DIP2C: variants seen among roughly 807,000 people sequenced by gnomAD.
The protein encoded by DIP2C is disco-interacting protein 2 homolog C.
DIP2C carries 33 observed loss-of-function variants against 192.4 expected under a neutral mutation model. The observed-to-expected ratio is 0.17, with a 90% CI of 0.13 to 0.23. DIP2C has a LOEUF of 0.23. Among genes scored for constraint, DIP2C ranks in the 10% least tolerant of loss-of-function variants. The pLI is 1.00. For synonymous variants in DIP2C, 979 were observed against 864.1 expected (o/e 1.13, Z -2.33); for missense variants, 1,537 against 2,110.1 (o/e 0.73, Z 5.32).
rs746433901 is a variant in DIP2C, at chr10:532,614, TGA to T, written c.86-46086_86-46085del. ...ATGGGTGTGAGAGAGAGTATGGGTG[TGA>T]GAGAGAGTATGGGTGTGAGAGAGAG... On this transcript the variant is annotated intron_variant, in intron 1 of 36. Coordinates refer to ENST00000280886, the MANE Select transcript of DIP2C (RefSeq NM_014974.3). 5.5e-4 allele frequency among the ~76,000 whole-genome samples: 69 copies of T among 125,672 alleles called. 1 individual carries two copies. Among genetic ancestry groups the T allele is most frequent in the Middle Eastern group, 4.4e-3 (1 of 228 alleles). 82.4% of individuals were successfully genotyped at this position (125,672 alleles called of 152,430 possible). A position where few individuals can be genotyped will look rare whatever the true frequency, so the allele number is the denominator to read the frequency against.
intron 1 of DIP2C, among the ~76,000 whole-genome samples, chr10:592,892 T>C (rs1851484494): frequency 6.6e-6 from 1 of 151,512 alleles, no homozygotes; most frequent in Non-Finnish European, 1.5e-5. Flanking sequence ...TCAAACCAAC[T>C]GGGTATTTGG....
chr10:517,512 G>A (rs181464950), intron 1 of DIP2C, among the ~76,000 whole-genome samples: 66 of 152,290 alleles, frequency 4.3e-4, no homozygotes, highest in South Asian at 8.3e-4. Flanking sequence ...CCACAACGCC[G>A]AAGAGGAGCA....
chr10:607,780 C>T (rs555625868), intron 1 of DIP2C, among the ~76,000 whole-genome samples: 2 of 152,138 alleles, frequency 1.3e-5, no homozygotes, highest in South Asian at 2.1e-4. Flanking sequence ...GAAACCTCTT[C>T]TTAGACAAGA....
At chr10:394,700 G>T (rs1347771771) in intron 10 of DIP2C, among the ~76,000 whole-genome samples, 2 of 145,308 alleles carry the variant, frequency 1.4e-5, no homozygotes, top group East Asian at 4.2e-4. Flanking sequence ...ATGCTGAACC[G>T]GAAGGACGCT....
intron 4 of DIP2C, among the ~76,000 whole-genome samples, chr10:435,571 T>C (rs1967112017): frequency 6.6e-6 from 1 of 152,220 alleles, no homozygotes; most frequent in East Asian, 1.9e-4. Context: ...CTCCAGTGTA[T>C]GGTGATTCTC....
intron 1 of DIP2C, among the ~76,000 whole-genome samples, chr10:577,588 G>A (rs909414108): frequency 2.0e-5 from 3 of 152,300 alleles, no homozygotes; most frequent in East Asian, 3.9e-4. Flanking sequence ...AACGCATGAT[G>A]GGATGAAGGG....
chr10:590,264 T>A (rs939071614), intron 1 of DIP2C, among the ~76,000 whole-genome samples: 1 of 152,188 alleles, frequency 6.6e-6, no homozygotes, highest in Non-Finnish European at 1.5e-5. Flanking sequence ...AATGAGTACA[T>A]GGTGCAAGGC....
rs191575411 is a variant in DIP2C, at chr10:389,899, T to C, written c.1597+92A>G. Reference sequence around the variant, plus strand: ...GGAGCTGGGCACAAACTTCACGCTATTTCTATGGCTCCTCGTGGGAGTGAT... The same window carrying C: ...GGAGCTGGGCACAAACTTCACGCTACTTCTATGGCTCCTCGTGGGAGTGAT... On this transcript the variant is annotated intron_variant, in intron 13 of 36. Transcript: ENST00000280886. 4.8e-5 allele frequency: 49 copies of C among 1,020,492 alleles called. 1 individual carries two copies. The African/African-American group carries it at 6.2e-4, about 13-fold the overall frequency. The allele number at this position is 1,020,492 out of a possible 1,614,324, so 63.2% of individuals were successfully genotyped here.
chr10:341,185 G>C lies in DIP2C; in HGVS notation c.3584+14C>G, dbSNP rs748213536. On this transcript the variant is annotated intron_variant, in intron 29 of 36. Coordinates refer to ENST00000280886, the MANE Select transcript of DIP2C (RefSeq NM_014974.3). ...TGATTTTTTTTAATGTAAAGATATA[G>C]AGAGGCATCTTACCTGCAGAGGCAC... The C allele has an allele frequency of 2.5e-6, 4 of 1,613,940 alleles. No homozygotes were observed. The highest frequency in any genetic ancestry group is 2.7e-5 in the African/African-American group (2 of 74,878).
intron 1 of DIP2C, among the ~76,000 whole-genome samples, chr10:536,527 G>A (rs1433529081): frequency 6.6e-6 from 1 of 152,210 alleles, no homozygotes; most frequent in African/African-American, 2.4e-5. Context: ...GTATCTATCT[G>A]CAAAGACCTG....
intron 2 of DIP2C, among the ~76,000 whole-genome samples, chr10:475,432 C>G (rs1970981603): frequency 6.6e-6 from 1 of 152,178 alleles, no homozygotes; most frequent in Non-Finnish European, 1.5e-5. Flanking sequence ...CCTTCAATCT[C>G]AGTACCACAC....
At chr10:498,032 C>G (rs1403253370) in intron 1 of DIP2C, among the ~76,000 whole-genome samples, 1 of 127,700 alleles carries the variant, frequency 7.8e-6, no homozygotes, top group African/African-American at 2.5e-5. Flanking sequence ...CCACCACACC[C>G]GGCTAACAGT....
intron 4 of DIP2C, among the ~76,000 whole-genome samples, chr10:434,551 G>A (rs1589788427): frequency 6.6e-6 from 1 of 152,174 alleles, no homozygotes; most frequent in Non-Finnish European, 1.5e-5. Flanking sequence ...AGGGTGACAG[G>A]TGTGAGCCCC....
intron 1 of DIP2C, chr10:667,820 GCA>G (rs1209438667): frequency 6.6e-6 from 1 of 151,494 alleles, no homozygotes; most frequent in East Asian, 1.9e-4. Flanking sequence ...CTCACAACAT[GCA>G]CATACAATGC....
chr10:363,899 CAA>C lies in DIP2C; in HGVS notation c.2477+473_2477+474del, dbSNP rs1453950423. 6.6e-6 allele frequency among the ~76,000 whole-genome samples: 1 copy of C among 152,106 alleles called. No individual in the cohort carries two copies. On this transcript the variant is annotated intron_variant, in intron 20 of 36. Transcript: ENST00000280886. This position sits in a 1 kb window ranked among gnomAD's most constrained non-coding sequence, Gnocchi z 5.4. The stretch of plus-strand genomic sequence containing the variant: ...CACTTTATGACTTCCTCCAGATTGG[CAA>C]AAACTCAGGAACCGTGGCAACTTAT...
chr10:625,601 G>A (rs1207419635), intron 1 of DIP2C, among the ~76,000 whole-genome samples: 1 of 152,158 alleles, frequency 6.6e-6, no homozygotes, highest in Non-Finnish European at 1.5e-5. Flanking sequence ...CTCGGGGAAG[G>A]ACAGAAAGTG....
intron 1 of DIP2C, among the ~76,000 whole-genome samples, chr10:642,764 C>G (rs1237524889): frequency 6.6e-6 from 1 of 152,252 alleles, no homozygotes; most frequent in Non-Finnish European, 1.5e-5. Flanking sequence ...ACCCTTTCAG[C>G]CCTTCATGCG....
At chr10:392,272 C>T (rs927123978) in intron 10 of DIP2C, among the ~76,000 whole-genome samples, 4 of 152,142 alleles carry the variant, frequency 2.6e-5, no homozygotes, top group Admixed American at 6.5e-5. Flanking sequence ...AGTGCCGGGC[C>T]GAGGCAGGAG....
chr10:337,879 G>A (rs1316684046), intron 29 of DIP2C, among the ~76,000 whole-genome samples: 2 of 150,016 alleles, frequency 1.3e-5, no homozygotes, highest in Non-Finnish European at 1.5e-5. Context: ...GTGTTGTAGA[G>A]GCCTAGGAAG....
Sources: gnomAD v4.1 joint callset for allele counts (sites outside exome capture counted in the v4.1 genomes callset) on GRCh38, gnomAD v4.1.1 for gene constraint, Gnocchi (gnomAD v3.1) non-coding constraint, MANE v1.5 for transcripts, NCBI Gene and HGNC (gene_info 2026-07-23, HGNC 2026-07-21) for gene names.